ENOX1: variants seen among roughly 807,000 people sequenced by gnomAD.
ENOX1 encodes ecto-NOX disulfide-thiol exchanger 1, also known as candidate growth-related and time keeping constitutive hydroquinone (NADH) oxidase.
In ENOX1, 42 loss-of-function variants were observed where a neutral mutation model predicts 82.5. The observed-to-expected ratio is 0.51, with a 90% confidence interval of 0.40 to 0.66. The LOEUF is 0.66. Ranked by LOEUF, ENOX1 falls within the 30% of genes least tolerant of loss-of-function variation. The pLI, the probability that ENOX1 is intolerant of heterozygous loss-of-function variation, is 0.00. For missense variants in ENOX1, 608 were observed against 811.6 expected (o/e 0.75, Z 3.05); for synonymous variants, 271 against 282.2 (o/e 0.96, Z 0.40).
At chr13:43,622,688 G>T (rs2082790533) in intron 2 of ENOX1, among the ~76,000 whole-genome samples, 1 of 152,166 alleles carries the variant, frequency 6.6e-6, no homozygotes, top group East Asian at 1.9e-4. Flanking sequence ...CTCCATGAGG[G>T]TCCTTAGCTT....
At chr13:43,616,182 C>CTAGATATATA (rs1566642150) in intron 2 of ENOX1, among the ~76,000 whole-genome samples, 1 of 6,260 alleles carries the variant, frequency 1.6e-4, no homozygotes, top group African/African-American at 3.2e-4. Flanking sequence ...ATCTATCTAT[C>CTAGATATATA]TATCTATATA....
intron 15 of ENOX1, among the ~76,000 whole-genome samples, chr13:43,231,462 G>A (rs9590752): frequency 0.9 from 136,584 of 152,224 alleles, 61,956 homozygotes; most frequent in Non-Finnish European, 0.97. Flanking sequence ...AGTTTATTCC[G>A]CTTACTTGGT....
chr13:43,783,787 T>C (rs117711390), intron 1 of ENOX1, among the ~76,000 whole-genome samples: 2,308 of 152,328 alleles, frequency 0.015, 62 homozygotes, highest in East Asian at 0.098. Flanking sequence ...TGAAGTTAGA[T>C]GCTTCATTTC....
chr13:43,284,587 G>C (rs917293214), intron 12 of ENOX1, among the ~76,000 whole-genome samples: 1 of 152,112 alleles, frequency 6.6e-6, no homozygotes, highest in Non-Finnish European at 1.5e-5. Flanking sequence ...TGAATTAAGA[G>C]AACAAAAGGA....
chr13:43,249,427 C>G (rs2043325909), intron 14 of ENOX1, among the ~76,000 whole-genome samples: 1 of 152,134 alleles, frequency 6.6e-6, no homozygotes, highest in Non-Finnish European at 1.5e-5. Context: ...GAGCAGCAAA[C>G]AGAAGACATT....
intron 3 of ENOX1, among the ~76,000 whole-genome samples, chr13:43,468,386 C>A (rs1047395781): frequency 6.6e-6 from 1 of 151,728 alleles, no homozygotes; most frequent in South Asian, 2.1e-4. Context: ...TTTCACCATG[C>A]TGGCCAGCAT....
intron 3 of ENOX1, among the ~76,000 whole-genome samples, chr13:43,458,269 G>T (rs1337085895): frequency 6.6e-6 from 1 of 151,954 alleles, no homozygotes; most frequent in East Asian, 1.9e-4. Context: ...ATAGGAAAAT[G>T]GACATATTCT....
At chr13:43,577,559 A>G (rs2080499120) in intron 2 of ENOX1, among the ~76,000 whole-genome samples, 1 of 152,208 alleles carries the variant, frequency 6.6e-6, no homozygotes, top group Non-Finnish European at 1.5e-5. Context: ...GGAAAAGACA[A>G]AAGGGCAAAA....
intron 5 of ENOX1, among the ~76,000 whole-genome samples, chr13:43,379,383 C>T (rs1015345819): frequency 2.6e-5 from 4 of 151,774 alleles, no homozygotes; most frequent in East Asian, 1.9e-4. Context: ...TGACAGAATT[C>T]GTAGACAAAA....
At chr13:43,277,549 AG>A (rs1181879670) in intron 12 of ENOX1, among the ~76,000 whole-genome samples, 6 of 152,176 alleles carry the variant, frequency 3.9e-5, no homozygotes, top group Non-Finnish European at 4.4e-5. Context: ...TGAGGCATGA[AG>A]GACCCTGCTG....
chr13:43,342,060 G>A (rs760322667), intron 9 of ENOX1, among the ~76,000 whole-genome samples: 7 of 152,122 alleles, frequency 4.6e-5, no homozygotes, highest in South Asian at 2.1e-4. Context: ...CAGGTAAAGC[G>A]AATAGCACCA....
At chr13:43,766,882 G>T (rs1000118603) in intron 1 of ENOX1, among the ~76,000 whole-genome samples, 3 of 152,020 alleles carry the variant, frequency 2.0e-5, no homozygotes, top group East Asian at 1.9e-4. Flanking sequence ...CCCATCATCT[G>T]CCCGGCTGCA....
intron 3 of ENOX1, among the ~76,000 whole-genome samples, chr13:43,421,476 A>C (rs539823508): frequency 6.6e-6 from 1 of 152,190 alleles, no homozygotes; most frequent in South Asian, 2.1e-4. Context: ...GTTATGTCCC[A>C]AAAGCATAAG....
intron 2 of ENOX1, among the ~76,000 whole-genome samples, chr13:43,511,148 C>T (rs2077353348): frequency 6.6e-6 from 1 of 152,098 alleles, no homozygotes; most frequent in South Asian, 2.1e-4. Flanking sequence ...AGGATATGAG[C>T]TGAGGCATTT....
intron 1 of ENOX1, among the ~76,000 whole-genome samples, chr13:43,757,454 G>A (rs1950717010): frequency 6.6e-6 from 1 of 152,180 alleles, no homozygotes; most frequent in Admixed American, 6.5e-5. Flanking sequence ...GTGGTTGTGT[G>A]GCTTGGCCAT....
intron 1 of ENOX1, among the ~76,000 whole-genome samples, chr13:43,701,194 C>T (rs1323659195): frequency 6.6e-6 from 1 of 152,142 alleles, no homozygotes; most frequent in Non-Finnish European, 1.5e-5. Context: ...CATAAAAACA[C>T]TGAAATTTCC....
At chr13:43,462,441 T>C (rs1286753891) in intron 3 of ENOX1, among the ~76,000 whole-genome samples, 4 of 152,248 alleles carry the variant, frequency 2.6e-5, no homozygotes, top group South Asian at 2.1e-4. Context: ...TAGGCACCAC[T>C]GGTTATTTCA....
At chr13:43,616,123 T>C (rs11619769) in intron 2 of ENOX1, among the ~76,000 whole-genome samples, 2 of 63,266 alleles carry the variant, frequency 3.2e-5, no homozygotes, top group African/African-American at 1.1e-4. Flanking sequence ...TATAGATCTA[T>C]AGATATCTAT....
chr13:43,277,157 T>G (rs560983610), intron 12 of ENOX1, among the ~76,000 whole-genome samples: 1 of 152,242 alleles, frequency 6.6e-6, no homozygotes, highest in Non-Finnish European at 1.5e-5. Context: ...AGGCTATACA[T>G]ATTTAATTCC....
Sources: gnomAD v4.1 joint callset for allele counts (sites outside exome capture counted in the v4.1 genomes callset) on GRCh38, gnomAD v4.1.1 for gene constraint, MANE v1.5 for transcripts, NCBI Gene and HGNC (gene_info 2026-07-23, HGNC 2026-07-21) for gene names.